Variants in EYS observed in about 807,000 individuals in gnomAD.
The protein encoded by EYS is EGF-like photoreceptor maintenance factor, also known as protein eyes shut homolog.
In EYS, 250 loss-of-function variants were observed where a neutral mutation model predicts 282.1. The ratio of observed to expected loss-of-function variants is 0.89; its 90% CI spans 0.80 to 0.98. The LOEUF (loss-of-function observed/expected upper bound fraction) is 0.98, where lower values mean the gene tolerates loss of function less well. Among genes scored for constraint, EYS ranks in the 50% least tolerant of loss-of-function variants. The probability of loss-of-function intolerance (pLI) is 0.00; values close to 1 mark genes in which losing one functional copy is unlikely to be tolerated. For missense variants in EYS, 4,016 were observed against 3,709.0 expected (o/e 1.08, Z -2.15); for synonymous variants, 1,355 against 1,282.9 (o/e 1.06, Z -1.20).
chr6:65,403,884 C>A (rs139223348), intron 6 of EYS, among the ~76,000 whole-genome samples: 3 of 151,932 alleles, frequency 2.0e-5, no homozygotes, highest in African/African-American at 7.2e-5. Flanking sequence ...ACATTTTAAA[C>A]GATACTATTA....
intron 1 of EYS, among the ~76,000 whole-genome samples, chr6:65,672,522 G>T (rs762001446): frequency 2.6e-5 from 4 of 151,994 alleles, no homozygotes; most frequent in African/African-American, 7.3e-5. Context: ...CTGGGAGAGG[G>T]GGCTACTTTT....
chr6:65,495,486 C>T lies in EYS; in HGVS notation c.-76G>A. The T allele has an allele frequency of 6.6e-7, 1 of 1,507,846 alleles. No individual in the cohort carries two copies. The allele number at this position is 1,507,846 out of a possible 1,614,324, so 93.4% of individuals were successfully genotyped here. A position where few individuals can be genotyped will look rare whatever the true frequency, so the allele number is the denominator to read the frequency against. On this transcript the variant is annotated 5_prime_UTR_variant, in exon 4 of 43. Coordinates refer to ENST00000503581, the MANE Select transcript of EYS (RefSeq NM_001142800.2). ...GTGTTTTAAGTATTACCGGAAATTT[C>T]CAAGTAAAGTTGTGGTTAAGGATTC...
At chr6:64,513,761 G>T (rs1267653355) in intron 26 of EYS, among the ~76,000 whole-genome samples, 8 of 151,770 alleles carry the variant, frequency 5.3e-5, no homozygotes, top group African/African-American at 1.9e-4. Flanking sequence ...TAAAATTTTG[G>T]TGTGCCTGGA....
intron 36 of EYS, among the ~76,000 whole-genome samples, chr6:63,852,144 G>A (rs1195738479): frequency 2.0e-4 from 20 of 99,656 alleles, no homozygotes; most frequent in South Asian, 4.0e-4. Flanking sequence ...GCGACAGAGC[G>A]AGACTCTGTC....
chr6:64,343,634 C>T (rs1308957659), intron 29 of EYS, among the ~76,000 whole-genome samples: 1 of 152,068 alleles, frequency 6.6e-6, no homozygotes, highest in Admixed American at 6.6e-5. Context: ...ACCCTACCAT[C>T]ACAATTAAAA....
chr6:64,518,484 T>C (rs534949326), intron 26 of EYS, among the ~76,000 whole-genome samples: 1 of 151,954 alleles, frequency 6.6e-6, no homozygotes, highest in Admixed American at 6.6e-5. Flanking sequence ...TGAAGAACTC[T>C]CTTGTAAGCT....
chr6:64,934,140 A>C (rs753206230), intron 15 of EYS, among the ~76,000 whole-genome samples: 6 of 152,080 alleles, frequency 3.9e-5, no homozygotes, highest in Non-Finnish European at 8.8e-5. Context: ...TATATTAAAA[A>C]AAAAAAGTTA....
chr6:63,825,696 G>A, intron 36 of EYS, among the ~76,000 whole-genome samples: 1 of 152,190 alleles, frequency 6.6e-6, no homozygotes, highest in East Asian at 1.9e-4. Context: ...GATAAAGGGA[G>A]AGTACTACAT....
At chr6:64,985,812 A>C (rs1212794637) in intron 14 of EYS, among the ~76,000 whole-genome samples, 1 of 151,408 alleles carries the variant, frequency 6.6e-6, no homozygotes, top group East Asian at 1.9e-4. Flanking sequence ...AGTGTAGAGT[A>C]AGTATGTTTA....
At chr6:65,396,126 C>T (rs1422331913) in intron 7 of EYS, among the ~76,000 whole-genome samples, 1 of 152,082 alleles carries the variant, frequency 6.6e-6, no homozygotes, top group African/African-American at 2.4e-5. Flanking sequence ...CACCTAAGTG[C>T]CTTCATTATT....
intron 26 of EYS, among the ~76,000 whole-genome samples, chr6:64,503,450 C>CT (rs1012146675): frequency 6.6e-6 from 1 of 152,030 alleles, no homozygotes; most frequent in Non-Finnish European, 1.5e-5. Context: ...TGTTTTTAAG[C>CT]TTTTTTAAAA....
At chr6:63,904,192 A>T (rs1243770367) in intron 35 of EYS, among the ~76,000 whole-genome samples, 2 of 152,078 alleles carry the variant, frequency 1.3e-5, no homozygotes, top group African/African-American at 4.8e-5. Flanking sequence ...TCCTTGCTTC[A>T]TGCTCTTGGA....
At chr6:65,279,372 C>G (rs1467323345) in intron 12 of EYS, among the ~76,000 whole-genome samples, 1 of 152,086 alleles carries the variant, frequency 6.6e-6, no homozygotes, top group Non-Finnish European at 1.5e-5. Context: ...TGCTATCAAT[C>G]TAAAATAGCT....
intron 12 of EYS, among the ~76,000 whole-genome samples, chr6:65,068,848 G>C (rs960604828): frequency 6.6e-6 from 1 of 152,024 alleles, no homozygotes; most frequent in Non-Finnish European, 1.5e-5. Context: ...ATGCTCTGCA[G>C]TATCTGTTAA....
chr6:64,635,200 C>T (rs982023308), intron 22 of EYS, among the ~76,000 whole-genome samples: 14 of 152,144 alleles, frequency 9.2e-5, no homozygotes, highest in African/African-American at 2.2e-4. Flanking sequence ...CTGAAGTTGC[C>T]TATCAGCTTG....
At chr6:64,927,916 A>G (rs1189343732) in intron 15 of EYS, among the ~76,000 whole-genome samples, 1 of 152,144 alleles carries the variant, frequency 6.6e-6, no homozygotes, top group Non-Finnish European at 1.5e-5. Flanking sequence ...TTATTACAAA[A>G]GGAAAATTTT....
At chr6:64,089,090 C>G (rs527454217) in intron 31 of EYS, among the ~76,000 whole-genome samples, 1 of 151,694 alleles carries the variant, frequency 6.6e-6, no homozygotes, top group South Asian at 2.1e-4. Flanking sequence ...TTTCACCTTC[C>G]CCAGAAAGGA....
intron 10 of EYS, among the ~76,000 whole-genome samples, chr6:65,341,711 G>A (rs1161319559): frequency 1.3e-5 from 2 of 151,108 alleles, no homozygotes; most frequent in South Asian, 4.1e-4. Context: ...TTGAAAATAG[G>A]TTTTTCTTCA....
chr6:65,369,741 A>G (rs561438284), intron 8 of EYS, among the ~76,000 whole-genome samples: 1 of 151,748 alleles, frequency 6.6e-6, no homozygotes, highest in African/African-American at 2.4e-5. Flanking sequence ...CTTGGCTTCT[A>G]TAGCCAAACG....
Sources: allele counts gnomAD v4.1 joint callset (sites outside exome capture counted in the v4.1 genomes callset), GRCh38; gene constraint gnomAD v4.1.1; transcripts MANE v1.5; gene names NCBI Gene and HGNC (gene_info 2026-07-23, HGNC 2026-07-21).